Variants in TRIM39 observed in about 807,000 individuals in gnomAD.
The protein encoded by TRIM39 is E3 ubiquitin-protein ligase TRIM39.
In TRIM39, 5 loss-of-function variants were observed where a neutral mutation model predicts 53.6. The ratio of observed to expected loss-of-function variants is 0.09; its 90% CI spans 0.05 to 0.20. TRIM39 has a LOEUF of 0.20. Ranked by LOEUF, TRIM39 falls within the 10% of genes least tolerant of loss-of-function variation. TRIM39 has a pLI of 1.00. For missense variants in TRIM39, 310 were observed against 621.0 expected (o/e 0.50, Z 5.32); for synonymous variants, 196 against 237.6 (o/e 0.82, Z 1.61).
chr6:30,339,987 T>G lies in TRIM39; in HGVS notation c.803+57T>G. 1 of 1,613,326 alleles carries G rather than the reference T, an allele frequency of 6.2e-7. No individual in the cohort carries two copies. The highest frequency in any genetic ancestry group is 1.7e-5 in the Admixed American group (1 of 59,958). ...TAGGTCTTGGCTTAGAGAGGAGGGG[T>G]ACAGTCAGGAGTTTGGGTTGGGGGT... On this transcript the variant is annotated intron_variant, in intron 6 of 7. Transcript: ENST00000396551. The surrounding 1 kb of genome is among the most constrained non-coding windows in gnomAD (Gnocchi z 4.2).
At chr6:30,340,072 C>A in intron 6 of TRIM39, 142 bp downstream of exon 6, 1 of 1,356,414 alleles carries the variant, frequency 7.4e-7, no homozygotes, top group Non-Finnish European at 1.0e-6. Flanking sequence ...TCATTGTGCC[C>A]ATGAAGCCAG....
rs1046158365 is a variant in TRIM39, at chr6:30,339,439, G to C, written c.781-469G>C. Among the ~76,000 whole-genome samples the C allele has an allele frequency of 2.0e-5, 3 of 152,180 alleles. No homozygotes were observed. Among genetic ancestry groups the C allele is most frequent in the Non-Finnish European group, 4.4e-5 (3 of 68,040 alleles). ...GCTCAGATTACAGGCGTGAGCTACT[G>C]TGCCCAGCCAGTTATTGATGTTTAT... is the stretch of plus-strand genomic sequence containing the variant. On this transcript the variant is annotated intron_variant, in intron 5 of 7. Transcript: ENST00000396551. This position sits in a 1 kb window ranked among gnomAD's most constrained non-coding sequence, Gnocchi z 4.2.
Position 30,332,210 on chromosome 6 carries a change from G to T in TRIM39, c.549+1334G>T, listed in dbSNP as rs115136017. On this transcript the variant is annotated intron_variant, in intron 4 of 7. Coordinates refer to ENST00000396551, the Ensembl canonical transcript of TRIM39. ...GTTCTTCGTGAATCAGTAAATATTT[G>T]TTAAGCTCCTGGTTTAGGCCAAACC... is the stretch of plus-strand genomic sequence containing the variant. Among the ~76,000 whole-genome samples, 553 of 152,348 alleles carry T rather than the reference G, an allele frequency of 3.6e-3. 3 individuals carry two copies. The highest frequency in any genetic ancestry group is 0.012 in the African/African-American group (519 of 41,574).
Position 30,339,954 on chromosome 6 carries a change from G to A in TRIM39, c.803+24G>A. 6.2e-7 allele frequency: 1 copy of A among 1,614,144 alleles called. No individual in the cohort carries two copies. The highest frequency in any genetic ancestry group is 8.5e-7 in the Non-Finnish European group (1 of 1,180,020). On this transcript the variant is annotated intron_variant, in intron 6 of 7. Coordinates refer to ENST00000396551, the Ensembl canonical transcript of TRIM39. The surrounding 1 kb of genome is among the most constrained non-coding windows in gnomAD (Gnocchi z 4.2). ...AAGTAAGTGATTGTTGTATCTCTCT[G>A]AGTGAGTTAGGTCTTGGCTTAGAGA...
At chr6:30,329,796 G>A (rs760761442) in intron 3 of TRIM39, 26 bp downstream of exon 3, 4 of 1,600,252 alleles carry the variant, frequency 2.5e-6, no homozygotes, top group Non-Finnish European at 3.4e-6. Context: ...CACGATGTCA[G>A]TGTGGGTAAA....
chr6:30,329,241 CAAAA>C (rs200072323), intron 2 of TRIM39, 66 bp from the exon 3 acceptor site: 54 of 1,344,942 alleles, frequency 4.0e-5, no homozygotes, highest in South Asian at 5.8e-5. Flanking sequence ...GTCAGGGATG[CAAAA>C]AAAAAAAAAA....
At position 30,329,090 on chromosome 6, in the gene TRIM39, A is replaced by G; in HGVS notation, c.-8+49A>G. On this transcript the variant is annotated intron_variant, in intron 2 of 7. Transcript: ENST00000396551. ...GGGGGTTGTGTGTCAGTTTACTAACAAGAAAAAAAAGGTTGATGGCTGGGA... is the reference window on the plus strand; with the variant it reads ...GGGGGTTGTGTGTCAGTTTACTAACGAGAAAAAAAAGGTTGATGGCTGGGA... 3 of 565,012 alleles carry G rather than the reference A, an allele frequency of 5.3e-6. No individual in the cohort carries two copies. The South Asian group carries it at 7.4e-5, about 14-fold the overall frequency. 35.0% of individuals were successfully genotyped at this position (565,012 alleles called of 1,614,324 possible).
chr6:30,329,594 C>G (rs776204161), exon 3 of TRIM39: 1 of 1,613,108 alleles, frequency 6.2e-7, no homozygotes, highest in Non-Finnish European at 8.5e-7. Context: ...AATTGCCAAG[C>G]AGCTCCAGGC....
In TRIM39 at chr6:30,342,233, A is replaced by G. The variant is rs200960278; in HGVS notation, c.1441A>G (p.Ile481Val). 9.6e-5 allele frequency: 155 copies of G among 1,612,816 alleles called. No homozygotes were observed. The highest frequency in any genetic ancestry group is 6.6e-4 in the Middle Eastern group (4 of 6,082). Residue 481 changes from isoleucine to valine, a missense_variant, in exon 8 of 8, where the codon ATC (isoleucine) becomes GTC (valine). This residue lies in a region of TRIM39 where 75 missense variants were observed against 244.8 expected (regional missense o/e 0.31). Transcript: ENST00000396551. This position sits in a 1 kb window ranked among gnomAD's most constrained non-coding sequence, Gnocchi z 4.7. ...ACGGAAGAATGCTGCACCACTTACC[A>G]TCAGGCCCCCAACAGATTGGGAGTG...
intron 5 of TRIM39, chr6:30,336,254 A>C (rs925709230): frequency 1.5e-6 from 1 of 676,882 alleles, no homozygotes; most frequent in African/African-American, 1.8e-5. Flanking sequence ...AGCCTGAGTT[A>C]GTGAAAAACT....
At chr6:30,333,797 A>T (rs529073194) in intron 4 of TRIM39, among the ~76,000 whole-genome samples, 2 of 152,300 alleles carry the variant, frequency 1.3e-5, no homozygotes, top group East Asian at 3.9e-4. Context: ...GAAAACAAGA[A>T]GATGTGCCTA....
At chr6:30,340,825 A>G (rs930203343) in intron 7 of TRIM39, among the ~76,000 whole-genome samples, 1 of 152,224 alleles carries the variant, frequency 6.6e-6, no homozygotes, top group African/African-American at 2.4e-5. Flanking sequence ...TCTTAGGTCC[A>G]TTCTTTTCTA....
rs943465631 is a variant in TRIM39 at position 30,342,538 on chromosome 6, C to T, written c.*279C>T. The T allele has an allele frequency of 2.0e-5, 11 of 541,308 alleles. No homozygotes were observed. The highest frequency in any genetic ancestry group is 1.0e-4 in the South Asian group (4 of 38,454). 33.5% of individuals were successfully genotyped at this position (541,308 alleles called of 1,614,324 possible). On this transcript the variant is annotated 3_prime_UTR_variant, in exon 8 of 8. Transcript: ENST00000396551. This position sits in a 1 kb window ranked among gnomAD's most constrained non-coding sequence, Gnocchi z 4.7. ...CATCAGGTTTTCTGTTGCACAAGGACGGGTCAGGAAGGAAGGAGAGGCTTT... is the reference window on the plus strand; with the variant it reads ...CATCAGGTTTTCTGTTGCACAAGGATGGGTCAGGAAGGAAGGAGAGGCTTT...
intron 1 of TRIM39, chr6:30,327,770 A>G (rs558067388): frequency 6.6e-6 from 1 of 152,392 alleles, no homozygotes; most frequent in Non-Finnish European, 1.5e-5. Flanking sequence ...GGATTCCCAC[A>G]GATAGAAATC....
exon 1 of TRIM39, chr6:30,326,487 G>A (rs1432297383): frequency 2.0e-5 from 3 of 152,438 alleles, no homozygotes; most frequent in Non-Finnish European, 4.4e-5. Flanking sequence ...CCGAAGAGAG[G>A]AAAAGTGTGG....
intron 5 of TRIM39, 81 bp downstream of exon 5, chr6:30,336,056 A>G (rs1235496124): frequency 6.4e-7 from 1 of 1,564,124 alleles, no homozygotes; most frequent in Non-Finnish European, 8.7e-7. Context: ...AGCCTGGGAT[A>G]CTCATTCTTC....
intron 7 of TRIM39, 161 bp from the exon 8 acceptor site, chr6:30,341,551 C>T: frequency 9.2e-7 from 1 of 1,090,974 alleles, no homozygotes; most frequent in Admixed American, 2.1e-5. Context: ...GCTTTCTCCC[C>T]TTCCTTAGGT....
At chr6:30,329,680 C>G in exon 3 of TRIM39, 1 of 1,613,084 alleles carries the variant, frequency 6.2e-7, no homozygotes, top group Non-Finnish European at 8.5e-7. Flanking sequence ...GTTATGAGGA[C>G]CAGGAGGCTG....
Position 30,342,336 on chromosome 6 carries a change from G to A in TRIM39, c.*77G>A, listed in dbSNP as rs1337545768. On this transcript the variant is annotated 3_prime_UTR_variant, in exon 8 of 8. Coordinates refer to ENST00000396551, the Ensembl canonical transcript of TRIM39. The surrounding 1 kb of genome is among the most constrained non-coding windows in gnomAD (Gnocchi z 4.7). ...CCTCCTTCCCGTGTCCTGCTGGAAC[G>A]TCTTCGTGTCCACCTGGGTCCAGTC... 11 of 1,471,142 alleles carry A rather than the reference G, an allele frequency of 7.5e-6. No individual in the cohort carries two copies. In the East Asian group the frequency reaches 9.1e-5, roughly 12 times the overall value. 91.1% of individuals were successfully genotyped at this position (1,471,142 alleles called of 1,614,324 possible). A position where few individuals can be genotyped will look rare whatever the true frequency, so the allele number is the denominator to read the frequency against.
Sources: allele counts gnomAD v4.1 joint callset (sites outside exome capture counted in the v4.1 genomes callset), GRCh38; gene constraint gnomAD v4.1.1; regional missense constraint gnomAD v4.1.1; non-coding constraint Gnocchi (gnomAD v3.1); transcripts MANE v1.5; gene names NCBI Gene and HGNC (gene_info 2026-07-23, HGNC 2026-07-21).